Variants in ORC3 observed in about 807,000 individuals in gnomAD.
The protein encoded by ORC3 is homolog of latheo, Drosophila.
Under a neutral mutation model 100.7 loss-of-function variants are expected in ORC3, and 78 were observed. The ratio of observed to expected loss-of-function variants is 0.77; its 90% CI spans 0.65 to 0.94. The LOEUF (loss-of-function observed/expected upper bound fraction) is 0.94, where lower values mean the gene tolerates loss of function less well. Among genes scored for constraint, ORC3 ranks in the 40% least tolerant of loss-of-function variants. The probability of loss-of-function intolerance (pLI) is 0.00; values close to 1 mark genes in which losing one functional copy is unlikely to be tolerated. For missense variants in ORC3, 789 were observed against 823.9 expected, an observed-to-expected ratio of 0.96 and a Z score of 0.52; for synonymous variants, 295 against 289.3, an observed-to-expected ratio of 1.02 and a Z score of -0.20.
chr6:87,606,092 C>A, intron 5 of ORC3, 71 bp downstream of exon 5: 1 of 903,352 alleles, frequency 1.1e-6, no homozygotes, highest in Non-Finnish European at 1.8e-6. Context: ...CTCTCTTTTT[C>A]AGGCTTTCTT....
intron 16 of ORC3, among the ~76,000 whole-genome samples, chr6:87,658,334 G>A (rs368016391): frequency 2.0e-5 from 3 of 152,044 alleles, no homozygotes; most frequent in Admixed American, 6.6e-5. Context: ...GTGGGCACCT[G>A]TAGTCCCAGC....
At chr6:87,605,204 A>G (rs760720470) in intron 4 of ORC3, among the ~76,000 whole-genome samples, 9 of 152,174 alleles carry the variant, frequency 5.9e-5, no homozygotes, top group Non-Finnish European at 1.0e-4. Flanking sequence ...GGTTCTCACC[A>G]TGTTTGCCAG....
intron 1 of ORC3, 123 bp downstream of exon 1, chr6:87,590,315 C>T: frequency 9.3e-7 from 1 of 1,074,778 alleles, no homozygotes; most frequent in Non-Finnish European, 1.4e-6. Flanking sequence ...GAGCGGCGTA[C>T]TGAGCTGAGG....
Position 87,603,526 on chromosome 6 carries a change from T to C in ORC3, c.320T>C (p.Leu107Pro), listed in dbSNP as rs1344035273. The change falls in exon 4 of 20, where the codon CTT (leucine) becomes CCT (proline). Residue 107 changes from leucine (L) to proline (P), a missense_variant and splice_region_variant. Leu to Pro is a moderately conservative substitution (Grantham distance 98, BLOSUM62 -3). Transcript: ENST00000392844. ...LREIPTAALV[L>P]GVNVTDHDLT... Reference sequence around the variant, plus strand: ...GAAATTCCAACTGCTGCTCTTGTTCTTGGTATATATGCGTATGTTTGTTCA... The same window carrying C: ...GAAATTCCAACTGCTGCTCTTGTTCCTGGTATATATGCGTATGTTTGTTCA... The C allele has an allele frequency of 6.6e-7, 1 of 1,511,890 alleles. No individual in the cohort carries two copies. The highest frequency in any genetic ancestry group is 1.3e-5 in the South Asian group (1 of 75,450). 93.7% of individuals were successfully genotyped at this position (1,511,890 alleles called of 1,614,324 possible).
chr6:87,671,233 G>A (rs775302019), downstream of ORC3, among the ~76,000 whole-genome samples: 4 of 152,128 alleles, frequency 2.6e-5, no homozygotes, highest in Non-Finnish European at 4.4e-5. Context: ...AACAAAGACC[G>A]GTTAGGAAAC....
chr6:87,622,067 A>C, intron 11 of ORC3, 54 bp downstream of exon 11: 1 of 1,121,986 alleles, frequency 8.9e-7, no homozygotes, highest in Non-Finnish European at 1.4e-6. Context: ...CATAAAGAAG[A>C]ATATGCATGT....
At chr6:87,614,757 C>T (rs1779038061) in intron 8 of ORC3, among the ~76,000 whole-genome samples, 1 of 152,218 alleles carries the variant, frequency 6.6e-6, no homozygotes, top group Admixed American at 6.5e-5. Flanking sequence ...GCTCCAGTTT[C>T]CAACAAGTTT....
rs574608397 is a variant in ORC3 at position 87,612,310 on chromosome 6, T to A, written c.873+62T>A. On this transcript the variant is annotated intron_variant, in intron 8 of 19. Transcript: ENST00000392844. ...AAAGAAAACTGCCAATAATAGATTGTTAAGATAACTGTTAACAATAAGCCT... is the reference window on the plus strand; with the variant it reads ...AAAGAAAACTGCCAATAATAGATTGATAAGATAACTGTTAACAATAAGCCT... 24 of 1,148,188 alleles carry A rather than the reference T, an allele frequency of 2.1e-5. No individual in the cohort carries two copies. In the African/African-American group the frequency reaches 3.8e-4, roughly 18 times the overall value. 71.1% of individuals were successfully genotyped at this position (1,148,188 alleles called of 1,614,324 possible).
chr6:87,650,556 G>GA (rs562177365), intron 13 of ORC3, among the ~76,000 whole-genome samples: 65 of 152,004 alleles, frequency 4.3e-4, no homozygotes, highest in African/African-American at 1.5e-3. Flanking sequence ...AATTTTACTG[G>GA]AAAAAAAATT....
At chr6:87,619,889 T>G (rs1375005773) in intron 9 of ORC3, among the ~76,000 whole-genome samples, 1 of 152,112 alleles carries the variant, frequency 6.6e-6, no homozygotes, top group Non-Finnish European at 1.5e-5. Context: ...TGAGACAGAG[T>G]CTCACTCTGT....
At chr6:87,675,113 G>A in the ORC3 span, 1 of 152,618 alleles carries the variant, frequency 6.6e-6, no homozygotes, top group Non-Finnish European at 1.4e-5. Context: ...CTGGAATACA[G>A]AAATGCCCTC....
At chr6:87,624,136 AG>A (rs772016635) in intron 11 of ORC3, among the ~76,000 whole-genome samples, 1 of 152,104 alleles carries the variant, frequency 6.6e-6, no homozygotes, top group African/African-American at 2.4e-5. Flanking sequence ...ACCCTGAAAA[AG>A]TTAGCTGCAG....
In ORC3 at chr6:87,601,778, T is replaced by TTA. The variant is rs752397490; in HGVS notation, c.80-5_80-4insAT. 3 of 1,535,750 alleles carry TTA rather than the reference T, an allele frequency of 2.0e-6. No homozygotes were observed. The South Asian group carries it at 3.4e-5, about 17-fold the overall frequency. On this transcript the variant is annotated splice_region_variant and splice_polypyrimidine_tract_variant and intron_variant, in intron 2 of 19. Coordinates refer to ENST00000392844, the MANE Select transcript of ORC3 (RefSeq NM_012381.4). Reference sequence around the variant, plus strand: ...AAGAAACTGACTTATTTCTTTCTGTTTTTAGAGGACTATTTTAACAAAGGG... The same window carrying TTA: ...AAGAAACTGACTTATTTCTTTCTGTTTATTTAGAGGACTATTTTAACAAAGGG...
At chr6:87,595,728 T>G (rs1271066242) in intron 2 of ORC3, among the ~76,000 whole-genome samples, 2 of 152,208 alleles carry the variant, frequency 1.3e-5, no homozygotes, top group African/African-American at 4.8e-5. Context: ...ACACACATAC[T>G]CATGATATTA....
intron 8 of ORC3, among the ~76,000 whole-genome samples, chr6:87,615,739 G>A (rs1254670281): frequency 6.6e-6 from 1 of 152,102 alleles, no homozygotes; most frequent in Non-Finnish European, 1.5e-5. Flanking sequence ...AGTTCAATTG[G>A]CCTTTTACAA....
chr6:87,614,443 A>C (rs1360640558), intron 8 of ORC3, among the ~76,000 whole-genome samples: 4 of 152,184 alleles, frequency 2.6e-5, no homozygotes, highest in African/African-American at 4.8e-5. Context: ...TTGGGGATTA[A>C]CGTTTGGCTC....
intron 8 of ORC3, 152 bp downstream of exon 8, chr6:87,612,400 A>C (rs1487854881): frequency 2.1e-5 from 10 of 472,320 alleles, no homozygotes; most frequent in Non-Finnish European, 3.2e-5. Flanking sequence ...TTACTTAATA[A>C]TTTTTGTAGT....
At chr6:87,605,832 TG>T in intron 4 of ORC3, 84 bp from the exon 5 acceptor site, 1 of 712,542 alleles carries the variant, frequency 1.4e-6, no homozygotes, top group Non-Finnish European at 2.4e-6. Context: ...TGTTTTTACT[TG>T]TTTGCTTGAT....
At chr6:87,632,447 C>T (rs527903643) in intron 11 of ORC3, among the ~76,000 whole-genome samples, 38 of 152,304 alleles carry the variant, frequency 2.5e-4, no homozygotes, top group African/African-American at 8.2e-4. Context: ...TTCTCTCATT[C>T]GTTAAGTCCA....
Sources: allele counts gnomAD v4.1 joint callset (sites outside exome capture counted in the v4.1 genomes callset), GRCh38; gene constraint gnomAD v4.1.1; transcripts MANE v1.5; gene names NCBI Gene and HGNC (gene_info 2026-07-23, HGNC 2026-07-21).